DAB1: variants seen among roughly 807,000 people sequenced by gnomAD.
DAB1 encodes the protein disabled homolog 1.
In DAB1, 15 loss-of-function variants were observed where a neutral mutation model predicts 64.6. The ratio of observed to expected loss-of-function variants is 0.23; its 90% CI spans 0.16 to 0.36. DAB1 has a LOEUF of 0.36. Among genes scored for constraint, DAB1 ranks in the 10% least tolerant of loss-of-function variants. The pLI, the probability that DAB1 is intolerant of heterozygous loss-of-function variation, is 1.00. For missense variants in DAB1, 596 were observed against 706.7 expected, an observed-to-expected ratio of 0.84 and a Z score of 1.78; for synonymous variants, 235 against 251.9, an observed-to-expected ratio of 0.93 and a Z score of 0.64.
intron 4 of DAB1, among the ~76,000 whole-genome samples, chr1:58,300,650 A>AG (rs1557726370): frequency 2.4e-3 from 115 of 47,304 alleles, no homozygotes; most frequent in African/African-American, 6.6e-3. Flanking sequence ...GAGAGAGAGG[A>AG]AGGAAGGAAG....
intron 5 of DAB1, among the ~76,000 whole-genome samples, chr1:58,018,046 T>A (rs1056123664): frequency 6.6e-6 from 1 of 151,972 alleles, no homozygotes; most frequent in African/African-American, 2.4e-5. Flanking sequence ...TAAATAGAAT[T>A]CAAAAGTAAG....
chr1:57,449,685 A>C (rs1686279668), intron 7 of DAB1, among the ~76,000 whole-genome samples: 1 of 152,252 alleles, frequency 6.6e-6, no homozygotes, highest in Admixed American at 6.5e-5. Flanking sequence ...AGCCATTTTA[A>C]TCTCTTTTTT....
At chr1:58,405,021 G>A (rs893667367) in intron 3 of DAB1, among the ~76,000 whole-genome samples, 1 of 152,130 alleles carries the variant, frequency 6.6e-6, no homozygotes, top group Non-Finnish European at 1.5e-5. Flanking sequence ...AGTCTATGAA[G>A]CACCATTCAC....
At chr1:58,181,233 A>G (rs1319088332) in intron 4 of DAB1, among the ~76,000 whole-genome samples, 1 of 152,072 alleles carries the variant, frequency 6.6e-6, no homozygotes, top group Admixed American at 6.6e-5. Context: ...TTTTTGTTTT[A>G]AAGTCTATTT....
rs544838954 is a variant in DAB1 at position 57,102,247 on chromosome 1, C to T, written c.307-29833G>A. Among the ~76,000 whole-genome samples the T allele has an allele frequency of 9.9e-5, 15 of 152,284 alleles. No homozygotes were observed. The South Asian group carries it at 1.5e-3, about 15-fold the overall frequency. On this transcript the variant is annotated intron_variant, in intron 4 of 14. Transcript: ENST00000371236. ...CTCTCTCTCTTTCTCTGAGCCATCA[C>T]AAACAATTGCCACATACATTGCTAA...
intron 7 of DAB1, among the ~76,000 whole-genome samples, chr1:57,459,489 T>C (rs1171507150): frequency 6.6e-6 from 1 of 152,212 alleles, no homozygotes; most frequent in African/African-American, 2.4e-5. Context: ...TGAGCATTTT[T>C]ATGGCTTTTG....
At chr1:57,367,877 AG>A (rs1478023732) in intron 1 of DAB1, among the ~76,000 whole-genome samples, 1 of 152,170 alleles carries the variant, frequency 6.6e-6, no homozygotes, top group African/African-American at 2.4e-5. Flanking sequence ...CTATGACTGC[AG>A]ACCTGGGCCT....
intron 7 of DAB1, among the ~76,000 whole-genome samples, chr1:57,636,394 C>T (rs1020898052): frequency 2.0e-5 from 3 of 152,144 alleles, no homozygotes; most frequent in Non-Finnish European, 4.4e-5. Flanking sequence ...GTACACCATG[C>T]TAGGACTTCA....
At chr1:57,534,141 C>T (rs933003653) in intron 7 of DAB1, among the ~76,000 whole-genome samples, 1 of 152,100 alleles carries the variant, frequency 6.6e-6, no homozygotes, top group Non-Finnish European at 1.5e-5. Flanking sequence ...TATAATCATC[C>T]AGGAGTGCTC....
intron 1 of DAB1, among the ~76,000 whole-genome samples, chr1:57,844,198 C>A (rs1179096916): frequency 6.6e-6 from 1 of 152,232 alleles, no homozygotes; most frequent in African/African-American, 2.4e-5. Flanking sequence ...GACCAGCATT[C>A]ATACTTTTAT....
chr1:57,834,138 A>C (rs1172428694), intron 1 of DAB1, among the ~76,000 whole-genome samples: 1 of 152,222 alleles, frequency 6.6e-6, no homozygotes, highest in African/African-American at 2.4e-5. Context: ...TGCAAATATA[A>C]TAGTAAGCAC....
At position 57,807,512 on chromosome 1, in the gene DAB1, C is replaced by A. The variant is rs192551107; in HGVS notation, n.551+76487G>T. ...TTTATGTCATCAAGATTTTGGTTAA[C>A]CTGTTTCGCAGCAATAGATAATTAA... On this transcript the variant is annotated intron_variant and non_coding_transcript_variant, in intron 6 of 20. Coordinates refer to the DAB1 transcript ENST00000485760. Among the ~76,000 whole-genome samples, 191 of 152,248 alleles carry A rather than the reference C, an allele frequency of 1.3e-3. 1 individual carries two copies. The highest frequency in any genetic ancestry group is 4.1e-3 in the African/African-American group (169 of 41,554).
At chr1:58,121,849 A>C (rs1157249905) in intron 5 of DAB1, among the ~76,000 whole-genome samples, 1 of 152,186 alleles carries the variant, frequency 6.6e-6, no homozygotes, top group Non-Finnish European at 1.5e-5. Context: ...TCCTCTAATA[A>C]TACTCTTCTC....
chr1:58,376,035 T>C (rs1408650365), intron 3 of DAB1, among the ~76,000 whole-genome samples: 1 of 151,826 alleles, frequency 6.6e-6, no homozygotes, highest in Non-Finnish European at 1.5e-5. Flanking sequence ...GATATCCCCT[T>C]TATCATTTTT....
chr1:57,136,276 T>A (rs557964389), intron 4 of DAB1, among the ~76,000 whole-genome samples: 1 of 152,186 alleles, frequency 6.6e-6, no homozygotes, highest in African/African-American at 2.4e-5. Flanking sequence ...TACCCATTGA[T>A]CTTCAAAGCT....
chr1:57,046,605 T>C (rs950963835), intron 9 of DAB1, among the ~76,000 whole-genome samples: 33 of 152,326 alleles, frequency 2.2e-4, no homozygotes, highest in African/African-American at 7.7e-4. Flanking sequence ...ACAGCTCTGC[T>C]CGTTAGAGAT....
intron 1 of DAB1, among the ~76,000 whole-genome samples, chr1:57,834,343 GCTAA>G (rs767731227): frequency 1.1e-3 from 167 of 152,210 alleles, no homozygotes; most frequent in Non-Finnish European, 1.7e-3. Context: ...ATACACAGAG[GCTAA>G]CTAATATAAG....
chr1:57,550,951 T>C (rs948611081), intron 7 of DAB1, among the ~76,000 whole-genome samples: 3 of 152,192 alleles, frequency 2.0e-5, no homozygotes, highest in African/African-American at 7.2e-5. Flanking sequence ...ATAGAATGTT[T>C]AGAAACAACC....
chr1:57,710,516 C>T (rs2101744620), intron 6 of DAB1, among the ~76,000 whole-genome samples: 1 of 152,246 alleles, frequency 6.6e-6, no homozygotes, highest in African/African-American at 2.4e-5. Context: ...CTCAGTTTCA[C>T]CATGAGAGAG....
Sources: gnomAD v4.1 joint callset for allele counts (sites outside exome capture counted in the v4.1 genomes callset) on GRCh38, gnomAD v4.1.1 for gene constraint, MANE v1.5 for transcripts, NCBI Gene and HGNC (gene_info 2026-07-23, HGNC 2026-07-21) for gene names.